The following ST18 variants were observed in gnomAD, a reference collection of about 807,000 sequenced individuals.
The protein encoded by ST18 is suppression of tumorigenicity 18 protein.
A neutral mutation model predicts 110.0 loss-of-function variants in ST18; 50 were observed. The observed-to-expected ratio is 0.45, with a 90% confidence interval of 0.36 to 0.58. The LOEUF is 0.58. Among genes scored for constraint, ST18 ranks in the 20% least tolerant of loss-of-function variants. The pLI, the probability that ST18 is intolerant of heterozygous loss-of-function variation, is 0.00. For synonymous variants in ST18, 461 were observed against 452.4 expected (o/e 1.02, Z -0.24); for missense variants, 1,306 against 1,280.1 (o/e 1.02, Z -0.31).
At chr8:52,203,814 C>T (rs1238303339) in intron 8 of ST18, among the ~76,000 whole-genome samples, 1 of 152,082 alleles carries the variant, frequency 6.6e-6, no homozygotes, top group African/African-American at 2.4e-5. Flanking sequence ...AGCCAACGAC[C>T]CGTGCAGTGC....
intron 2 of ST18, among the ~76,000 whole-genome samples, chr8:52,396,936 T>G (rs1361164938): frequency 6.6e-6 from 1 of 152,234 alleles, no homozygotes; most frequent in Non-Finnish European, 1.5e-5. Context: ...AATGCTGCAA[T>G]GAATATTTGC....
At chr8:52,189,905 G>A (rs747752188) in intron 8 of ST18, among the ~76,000 whole-genome samples, 8 of 152,270 alleles carry the variant, frequency 5.3e-5, no homozygotes, top group Non-Finnish European at 7.4e-5. Flanking sequence ...TGGCTAGTGC[G>A]GTAGGAGCTA....
chr8:52,222,293 C>T (rs1053447316), intron 3 of ST18, among the ~76,000 whole-genome samples: 1 of 152,140 alleles, frequency 6.6e-6, no homozygotes, highest in Non-Finnish European at 1.5e-5. Context: ...CAATTTTTTA[C>T]TACTTTTAAT....
At chr8:52,269,651 G>A (rs1413914561) in intron 2 of ST18, among the ~76,000 whole-genome samples, 1 of 152,168 alleles carries the variant, frequency 6.6e-6, no homozygotes, top group African/African-American at 2.4e-5. Context: ...TATAGTTTGA[G>A]TGCCAGGAGG....
chr8:52,340,563 C>T (rs117483221), intron 2 of ST18, among the ~76,000 whole-genome samples: 146 of 152,242 alleles, frequency 9.6e-4, no homozygotes, highest in African/African-American at 3.4e-3. Flanking sequence ...TGTGATATCA[C>T]CTGGGTATGA....
At chr8:52,233,519 T>C (rs1172190631) in intron 2 of ST18, among the ~76,000 whole-genome samples, 1 of 152,160 alleles carries the variant, frequency 6.6e-6, no homozygotes, top group Non-Finnish European at 1.5e-5. Context: ...AGCCTGGCTG[T>C]GAAAGTCAAG....
At chr8:52,256,452 T>A (rs570029695) in intron 2 of ST18, among the ~76,000 whole-genome samples, 11 of 152,252 alleles carry the variant, frequency 7.2e-5, no homozygotes, top group African/African-American at 2.6e-4. Context: ...AGCCTCGACT[T>A]CCTGGACTCA....
At chr8:52,313,180 C>T (rs2095954431) in intron 2 of ST18, 1 of 152,726 alleles carries the variant, frequency 6.5e-6, no homozygotes, top group African/African-American at 2.4e-5. Context: ...GTGCTTGTAC[C>T]TTGAACTCTT....
chr8:52,152,525 A>T (rs2059075931), intron 15 of ST18, among the ~76,000 whole-genome samples: 1 of 152,126 alleles, frequency 6.6e-6, no homozygotes, highest in African/African-American at 2.4e-5. Flanking sequence ...CTTAGAGGGG[A>T]CATCCCAGGC....
intron 16 of ST18, among the ~76,000 whole-genome samples, chr8:52,145,886 C>A (rs2057076451): frequency 6.6e-6 from 1 of 152,186 alleles, no homozygotes; most frequent in Non-Finnish European, 1.5e-5. Context: ...TATTTCTCAA[C>A]ACTTTCCTTT....
At chr8:52,295,363 T>C (rs1231862903) in intron 2 of ST18, among the ~76,000 whole-genome samples, 1 of 152,206 alleles carries the variant, frequency 6.6e-6, no homozygotes, top group Non-Finnish European at 1.5e-5. Flanking sequence ...AATTTATGTT[T>C]TTATCAGGTT....
intron 2 of ST18, among the ~76,000 whole-genome samples, chr8:52,371,989 A>C (rs1385580247): frequency 6.6e-6 from 1 of 152,120 alleles, no homozygotes; most frequent in Non-Finnish European, 1.5e-5. Context: ...TGCTTATTTA[A>C]AAAAAAGTTA....
chr8:52,158,767 C>T, intron 15 of ST18, 131 bp downstream of exon 15: 1 of 1,072,196 alleles, frequency 9.3e-7, no homozygotes, highest in Non-Finnish European at 1.4e-6. Context: ...GAGCCTCTTC[C>T]TGAGACAGGG....
Position 52,158,886 on chromosome 8 carries a change from G to C in ST18, c.1806+12C>G, listed in dbSNP as rs759748170. On this transcript the variant is annotated intron_variant, in intron 15 of 25. Coordinates refer to ENST00000689386, the MANE Select transcript of ST18 (RefSeq NM_001352837.2). ...TCGCTGGCCCACCCTCCGGGCTCTT[G>C]GACTGGCCTACCTTGGCATGCAGAC... The C allele has an allele frequency of 6.2e-7, 1 of 1,613,908 alleles. No individual in the cohort carries two copies. The highest frequency in any genetic ancestry group is 1.1e-5 in the South Asian group (1 of 91,060).
intron 2 of ST18, among the ~76,000 whole-genome samples, chr8:52,385,597 CAAAAAA>C (rs60332637): frequency 8.6e-6 from 1 of 116,752 alleles, no homozygotes. Context: ...GACTCCGACT[CAAAAAA>C]AAAAAAAAAA....
intron 17 of ST18, among the ~76,000 whole-genome samples, chr8:52,140,547 TGATAGATA>T (rs56988793): frequency 0.19 from 28,083 of 147,280 alleles, 2,867 homozygotes; most frequent in East Asian, 0.41. Context: ...AGATGATAGA[TGATAGATA>T]GATAGATAGA....
At chr8:52,376,318 C>T (rs377653725) in intron 2 of ST18, among the ~76,000 whole-genome samples, 125 of 152,272 alleles carry the variant, frequency 8.2e-4, no homozygotes, top group African/African-American at 2.7e-3. Context: ...CAACGGGATC[C>T]TTTTCTGAAC....
chr8:52,321,507 C>G (rs1299995555), intron 2 of ST18, among the ~76,000 whole-genome samples: 3 of 152,188 alleles, frequency 2.0e-5, no homozygotes, highest in Non-Finnish European at 4.4e-5. Flanking sequence ...GTGCAAACAA[C>G]TGACACAATG....
At chr8:52,304,402 T>C (rs1163885843) in intron 2 of ST18, among the ~76,000 whole-genome samples, 4 of 152,076 alleles carry the variant, frequency 2.6e-5, no homozygotes, top group East Asian at 1.9e-4. Flanking sequence ...AGAGAAACAA[T>C]ATCAGAGAAT....
Sources: allele counts gnomAD v4.1 joint callset (sites outside exome capture counted in the v4.1 genomes callset), GRCh38; gene constraint gnomAD v4.1.1; transcripts MANE v1.5; gene names NCBI Gene and HGNC (gene_info 2026-07-23, HGNC 2026-07-21).